ZP2: variants seen among roughly 807,000 people sequenced by gnomAD.
The protein encoded by ZP2 is zona pellucida glycoprotein 2.
Under a neutral mutation model 84.0 loss-of-function variants are expected in ZP2, and 51 were observed. That is an observed-to-expected ratio of 0.61 (90% CI 0.49 to 0.77). The LOEUF is 0.77. ZP2 is among the 30% of genes least tolerant of loss of function. The pLI is 0.00. For missense variants in ZP2, 909 were observed against 911.9 expected (o/e 1.00, Z 0.04); for synonymous variants, 375 against 330.9 (o/e 1.13, Z -1.45).
rs772790537 is a variant in ZP2 at position 21,204,053 on chromosome 16, T to C, written c.949A>G (p.Ser317Gly). The C allele has an allele frequency of 5.6e-6, 9 of 1,613,798 alleles. No individual in the cohort carries two copies. Among genetic ancestry groups the C allele is most frequent in the African/African-American group, 1.3e-5 (1 of 74,942 alleles). ...ACTTTCGTTTTGAGCAGAGTTTTGCTGAAATGCAATTTCATGCCATTTGTT... is the reference window on the plus strand; with the variant it reads ...ACTTTCGTTTTGAGCAGAGTTTTGCCGAAATGCAATTTCATGCCATTTGTT... ...EATNGMKLHFSKTLLKTKLSE... is the reference protein window; with the variant it reads ...EATNGMKLHFGKTLLKTKLSE... Residue 317 changes from serine to glycine, a missense_variant, in exon 9 of 19, where the codon AGC (serine) becomes GGC (glycine). Coordinates refer to ENST00000574091, the MANE Select transcript of ZP2 (RefSeq NM_001376232.1).
At chr16:21,205,304 T>G in intron 7 of ZP2, 116 bp downstream of exon 7, 1 of 1,248,094 alleles carries the variant, frequency 8.0e-7, no homozygotes, top group South Asian at 1.4e-5. Flanking sequence ...TGGCACTTAA[T>G]AGGCATTAAA....
chr16:21,207,677 CACA>C (rs1567216078), intron 4 of ZP2, among the ~76,000 whole-genome samples: 12 of 113,502 alleles, frequency 1.1e-4, no homozygotes, highest in African/African-American at 3.8e-4. Flanking sequence ...CACACACACA[CACA>C]CCACAAAAGT....
upstream of ZP2, chr16:21,214,179 G>T (rs1218907348): frequency 4.3e-6 from 4 of 923,658 alleles, no homozygotes; most frequent in Non-Finnish European, 5.2e-6. Context: ...CCCGCTGTGG[G>T]CTGGTGAAGC....
chr16:21,204,439 T>C (rs2093240555), intron 7 of ZP2, 35 bp from the exon 8 acceptor site: 1 of 1,563,226 alleles, frequency 6.4e-7, no homozygotes, highest in East Asian at 2.2e-5. Context: ...TTCAAAAACA[T>C]TGGTTACTTG....
chr16:21,211,879 A>G, upstream of ZP2: 1 of 924,140 alleles, frequency 1.1e-6, no homozygotes, highest in Non-Finnish European at 1.5e-6. Flanking sequence ...AGAGCCAAAG[A>G]GAATCATGGG....
intron 9 of ZP2, 72 bp downstream of exon 9, chr16:21,203,958 A>G (rs1248346024): frequency 6.4e-7 from 1 of 1,559,802 alleles, no homozygotes; most frequent in Admixed American, 1.7e-5. Flanking sequence ...TATCAGCCGT[A>G]TGAGGACTAC....
At chr16:21,199,695 C>T (rs201865946) in intron 15 of ZP2, 29 bp from the exon 16 acceptor site, 46 of 1,552,276 alleles carry the variant, frequency 3.0e-5, no homozygotes, top group Middle Eastern at 1.7e-4. Flanking sequence ...TACATGGAAT[C>T]GATGCACTAA....
chr16:21,198,695 A>C, intron 17 of ZP2, 84 bp downstream of exon 17: 1 of 1,113,870 alleles, frequency 9.0e-7, no homozygotes, highest in Non-Finnish European at 1.3e-6. Context: ...CACCACGGGT[A>C]CATAGTATAT....
chr16:21,211,397 T>G lies in ZP2; in HGVS notation c.63-2A>C. On this transcript the variant is annotated splice_acceptor_variant, in intron 1 of 18. Transcript: ENST00000574091. LOFTEE classifies it high-confidence loss of function. ...AAGAGAGAAATCGACCTGTAGGTGC[T>G]GGAAAGAGACAGGGAGATAGTCAAG... The G allele has an allele frequency of 6.2e-7, 1 of 1,614,152 alleles. No individual in the cohort carries two copies. Among genetic ancestry groups the G allele is most frequent in the Non-Finnish European group, 8.5e-7 (1 of 1,180,028 alleles).
chr16:21,211,224 GC>G, intron 2 of ZP2, 82 bp downstream of exon 2: 1 of 1,215,468 alleles, frequency 8.2e-7, no homozygotes. Flanking sequence ...TCTGAGCCAG[GC>G]CTGTGTTTCT....
intron 3 of ZP2, 51 bp downstream of exon 3, chr16:21,210,058 C>A: frequency 1.3e-6 from 2 of 1,552,074 alleles, no homozygotes; most frequent in Non-Finnish European, 1.8e-6. Context: ...TGACCTAAGC[C>A]AAAGGCTGTC....
chr16:21,209,642 TAC>T lies in ZP2; in HGVS notation c.317_318del (p.Cys106TyrfsTer67). On this transcript the variant is annotated frameshift_variant, in exon 4 of 19. Transcript: ENST00000574091. LOFTEE classifies it high-confidence loss of function. ...KLTLRATYDNCTRRVHGGHQM... is the reference protein window; with the variant it reads ...KLTLRATYDNXTRRVHGGHQM... ...AAGCAATGACTTACCACTCTCCTGGTACAGTTATCATAGGTAGCCCTCAGGGT... is the reference window on the plus strand; with the variant it reads ...AAGCAATGACTTACCACTCTCCTGGTAGTTATCATAGGTAGCCCTCAGGGT... The T allele has an allele frequency of 6.2e-7, 1 of 1,614,134 alleles. No individual in the cohort carries two copies. The highest frequency in any genetic ancestry group is 8.5e-7 in the Non-Finnish European group (1 of 1,179,956).
At chr16:21,207,335 G>C (rs138236409) in intron 4 of ZP2, among the ~76,000 whole-genome samples, 436 of 152,270 alleles carry the variant, frequency 2.9e-3, no homozygotes, top group African/African-American at 9.7e-3. Flanking sequence ...CTGCCATTGT[G>C]CTGGGTAGAG....
chr16:21,205,380 C>T (rs1338462422), intron 7 of ZP2, 40 bp downstream of exon 7: 6 of 1,604,720 alleles, frequency 3.7e-6, no homozygotes, highest in Non-Finnish European at 5.1e-6. Context: ...GGAATACTGG[C>T]CTGTGCTTTG....
intron 3 of ZP2, 110 bp downstream of exon 3, chr16:21,209,999 T>C: frequency 1.0e-6 from 1 of 958,746 alleles, no homozygotes; most frequent in Non-Finnish European, 1.7e-6. Context: ...TCATGGGAGT[T>C]GGATGCCGTT....
intron 4 of ZP2, among the ~76,000 whole-genome samples, chr16:21,208,517 T>C (rs2093260379): frequency 6.6e-6 from 1 of 152,156 alleles, no homozygotes; most frequent in Non-Finnish European, 1.5e-5. Context: ...GATATGCAGA[T>C]TCCCAGAACT....
At chr16:21,202,359 G>T in intron 10 of ZP2, 68 bp from the exon 11 acceptor site, 1 of 1,347,182 alleles carries the variant, frequency 7.4e-7, no homozygotes, top group Non-Finnish European at 9.9e-7. Context: ...CTCCCAACCT[G>T]ATATGCTACG....
At chr16:21,210,548 A>C (rs1359071430) in intron 2 of ZP2, among the ~76,000 whole-genome samples, 1 of 152,118 alleles carries the variant, frequency 6.6e-6, no homozygotes, top group East Asian at 1.9e-4. Flanking sequence ...TGTTAAACAA[A>C]GTCCTGGGTA....
intron 9 of ZP2, 148 bp downstream of exon 9, chr16:21,203,882 G>T: frequency 1.3e-6 from 1 of 755,220 alleles, no homozygotes; most frequent in Non-Finnish European, 2.2e-6. Context: ...ACTTATACAA[G>T]ATGATCAAAT....
Sources: gnomAD v4.1 joint callset for allele counts (sites outside exome capture counted in the v4.1 genomes callset) on GRCh38, gnomAD v4.1.1 for gene constraint, MANE v1.5 for transcripts, NCBI Gene and HGNC (gene_info 2026-07-23, HGNC 2026-07-21) for gene names.